The following CTNND1 variants were observed in gnomAD, a reference collection of about 807,000 sequenced individuals.
CTNND1 encodes catenin delta 1, also known as catenin delta-1.
CTNND1 carries 16 observed loss-of-function variants against 112.1 expected under a neutral mutation model. The ratio of observed to expected loss-of-function variants is 0.14; its 90% confidence interval spans 0.10 to 0.22. The LOEUF is 0.22. Among genes scored for constraint, CTNND1 ranks in the 10% least tolerant of loss-of-function variants. The pLI is 1.00. For missense variants in CTNND1, 1,008 were observed against 1,257.0 expected (o/e 0.80, Z 3.00); for synonymous variants, 420 against 446.5 (o/e 0.94, Z 0.75).
chr11:57,806,957 T>C lies in CTNND1; in HGVS notation c.1937T>C (p.Phe646Ser). Residue 646 changes from phenylalanine (F) to serine (S), a missense_variant, in exon 12 of 21, where the codon TTC becomes TCC. This residue lies in a region of CTNND1 where 254 missense variants were observed against 279.5 expected (regional missense o/e 0.91). Coordinates refer to ENST00000399050, the MANE Select transcript of CTNND1 (RefSeq NM_001085458.2). ...GATCCAGCAAACGATACAGTGGATT[T>C]CCCTAAAAGAACGAGTCCAGCTCGA... ...IEDPANDTVDFPKRTSPARGY... is the reference protein window; with the variant it reads ...IEDPANDTVDSPKRTSPARGY... 6.2e-7 allele frequency: 1 copy of C among 1,601,904 alleles called. No individual in the cohort carries two copies. Among genetic ancestry groups the C allele is most frequent in the Non-Finnish European group, 8.5e-7 (1 of 1,173,970 alleles).
At chr11:57,812,233 C>T (rs2063446743) in intron 17 of CTNND1, among the ~76,000 whole-genome samples, 1 of 152,098 alleles carries the variant, frequency 6.6e-6, no homozygotes, top group Admixed American at 6.6e-5. Context: ...GAAGAAAAAA[C>T]ATCAGGCCAG....
chr11:57,788,971 GTTTTTATGTATTGGGTATA>G lies in CTNND1; in HGVS notation c.-213-61_-213-43del. 1 of 1,139,352 alleles carries G rather than the reference GTTTTTATGTATTGGGTATA, an allele frequency of 8.8e-7. No individual in the cohort carries two copies. The highest frequency in any genetic ancestry group is 1.3e-6 in the Non-Finnish European group (1 of 786,020). The allele number at this position is 1,139,352 out of a possible 1,614,324, so 70.6% of individuals were successfully genotyped here. ...CCTAATATTGCCCCTTGCTCTTCTT[GTTTTTATGTATTGGGTATA>G]TTTTATTTTCCTCTCATTCCCATTT... On this transcript the variant is annotated intron_variant, in intron 1 of 20. Transcript: ENST00000399050. This position sits in a 1 kb window ranked among gnomAD's most constrained non-coding sequence, Gnocchi z 4.1.
In CTNND1 at chr11:57,772,096, ATTTTTTT is replaced by A. The variant is rs536394341; in HGVS notation, c.-214+9987_-214+9993del. On this transcript the variant is annotated intron_variant, in intron 1 of 20. Transcript: ENST00000399050. ...ACTACTACACCCAGCTAATTTTTGT[ATTTTTTT>A]TTTTTTTTTGTAGAGACAGGGTTTT... Among the ~76,000 whole-genome samples the A allele has an allele frequency of 3.1e-5, 4 of 129,864 alleles. No homozygotes were observed. The East Asian group carries it at 6.7e-4, about 22-fold the overall frequency. The allele number at this position is 129,864 out of a possible 152,430, so 85.2% of individuals were successfully genotyped here.
At chr11:57,815,317 T>TA in intron 18 of CTNND1, 77 bp from the exon 19 acceptor site, 1 of 822,886 alleles carries the variant, frequency 1.2e-6, no homozygotes, top group South Asian at 1.8e-5. Flanking sequence ...GATGCCTAAT[T>TA]ACACCTATCT....
chr11:57,770,668 TA>T (rs201892456), intron 1 of CTNND1, among the ~76,000 whole-genome samples: 4 of 149,824 alleles, frequency 2.7e-5, no homozygotes, highest in Non-Finnish European at 3.0e-5. Context: ...AATAAAAAAA[TA>T]AAAAAAAAGA....
intron 1 of CTNND1, among the ~76,000 whole-genome samples, chr11:57,780,972 CTT>C (rs2059511647): frequency 1.3e-5 from 2 of 152,150 alleles, no homozygotes; most frequent in African/African-American, 4.8e-5. Flanking sequence ...GAGTTTCACT[CTT>C]ATTGCCCAGG....
chr11:57,816,452 T>G lies in CTNND1; in HGVS notation c.*144T>G. The G allele has an allele frequency of 1.0e-6, 1 of 961,548 alleles. No individual in the cohort carries two copies. Among genetic ancestry groups the G allele is most frequent in the Non-Finnish European group, 1.6e-6 (1 of 618,370 alleles). The allele number at this position is 961,548 out of a possible 1,614,324, so 59.6% of individuals were successfully genotyped here. On this transcript the variant is annotated 3_prime_UTR_variant, in exon 21 of 21. Coordinates refer to ENST00000399050, the MANE Select transcript of CTNND1 (RefSeq NM_001085458.2). ...GCCCTTACAGCCCTAAGTGGCTGCC[T>G]TCTTTCCATCAACTCCCAACTTCTT... is the stretch of plus-strand genomic sequence containing the variant.
At chr11:57,814,750 A>G (rs1377191326) in intron 18 of CTNND1, among the ~76,000 whole-genome samples, 1 of 151,948 alleles carries the variant, frequency 6.6e-6, no homozygotes, top group Non-Finnish European at 1.5e-5. Context: ...CTCATGTAAT[A>G]CCTCTTACTG....
At chr11:57,794,223 GA>G in intron 4 of CTNND1, 142 bp downstream of exon 4, 1 of 709,174 alleles carries the variant, frequency 1.4e-6, no homozygotes. Context: ...CGAAAACAAA[GA>G]AGTGGAGCTC....
At chr11:57,806,151 G>C in intron 10 of CTNND1, 116 bp downstream of exon 10, 1 of 1,356,054 alleles carries the variant, frequency 7.4e-7, no homozygotes, top group Non-Finnish European at 9.9e-7. Context: ...GGTTATGGAT[G>C]TCTTTTTGGT....
At chr11:57,773,454 T>G (rs2136119678) in intron 1 of CTNND1, among the ~76,000 whole-genome samples, 1 of 146,434 alleles carries the variant, frequency 6.8e-6, no homozygotes, top group South Asian at 2.1e-4. Context: ...GAGATTATGT[T>G]TTTTTTTTTT....
chr11:57,808,072 C>A, intron 12 of CTNND1, 93 bp from the exon 13 acceptor site: 1 of 1,362,912 alleles, frequency 7.3e-7, no homozygotes, highest in Non-Finnish European at 1.0e-6. Flanking sequence ...ATAAATCCAT[C>A]AACTGAGAGT....
intron 11 of CTNND1, 47 bp from the exon 12 acceptor site, chr11:57,806,868 T>A: frequency 1.3e-6 from 2 of 1,486,192 alleles, no homozygotes; most frequent in Non-Finnish European, 1.8e-6. Flanking sequence ...AATCTTTTCT[T>A]TTTTAAACTG....
intron 12 of CTNND1, among the ~76,000 whole-genome samples, chr11:57,807,575 C>T (rs1240414536): frequency 7.9e-6 from 1 of 127,050 alleles, no homozygotes; most frequent in Non-Finnish European, 1.6e-5. Context: ...CACTGCACTC[C>T]AGCCTGGGCG....
chr11:57,763,148 C>G lies in CTNND1; in HGVS notation c.-214+1029C>G, dbSNP rs576095419. Among the ~76,000 whole-genome samples, 26 of 152,242 alleles carry G rather than the reference C, an allele frequency of 1.7e-4. No homozygotes were observed. The South Asian group carries it at 3.3e-3, about 19-fold the overall frequency. On this transcript the variant is annotated intron_variant, in intron 1 of 20. Coordinates refer to ENST00000399050, the MANE Select transcript of CTNND1 (RefSeq NM_001085458.2). Reference sequence around the variant, plus strand: ...AGCTGAAGGCCCATGACTGTGCTTTCATATCTTATATTTAATCTTAAGATT... The same window carrying G: ...AGCTGAAGGCCCATGACTGTGCTTTGATATCTTATATTTAATCTTAAGATT...
At chr11:57,815,279 G>A in intron 18 of CTNND1, 115 bp from the exon 19 acceptor site, 4 of 621,266 alleles carry the variant, frequency 6.4e-6, no homozygotes, top group Non-Finnish European at 1.1e-5. Flanking sequence ...CCTTTGTGGA[G>A]CATTTGACAA....
intron 1 of CTNND1, among the ~76,000 whole-genome samples, chr11:57,768,550 C>G (rs12291343): frequency 6.6e-6 from 1 of 151,574 alleles, no homozygotes; most frequent in Admixed American, 6.6e-5. Context: ...CCCGCCACCA[C>G]GCCTGGCTAA....
At chr11:57,781,950 C>G (rs1011352601) in intron 1 of CTNND1, among the ~76,000 whole-genome samples, 2 of 151,812 alleles carry the variant, frequency 1.3e-5, no homozygotes, top group African/African-American at 4.8e-5. Flanking sequence ...AGGGGGTTCT[C>G]AGAATACTTG....
chr11:57,764,507 T>C (rs1950616354), intron 1 of CTNND1, among the ~76,000 whole-genome samples: 1 of 152,192 alleles, frequency 6.6e-6, no homozygotes, highest in African/African-American at 2.4e-5. Flanking sequence ...ATTAGCTTTG[T>C]ATAATTTATC....
Sources: allele counts gnomAD v4.1 joint callset (sites outside exome capture counted in the v4.1 genomes callset), GRCh38; gene constraint gnomAD v4.1.1; regional missense constraint gnomAD v4.1.1; non-coding constraint Gnocchi (gnomAD v3.1); transcripts MANE v1.5; gene names NCBI Gene and HGNC (gene_info 2026-07-23, HGNC 2026-07-21).